Variants in IL4R observed in about 807,000 individuals in gnomAD.
The protein encoded by IL4R is interleukin 4 receptor.
A neutral mutation model predicts 41.5 loss-of-function variants in IL4R; 17 were observed. That is an observed-to-expected ratio of 0.41 (90% CI 0.28 to 0.61). The LOEUF is 0.61. Ranked by LOEUF, IL4R falls within the 20% of genes least tolerant of loss-of-function variation. The pLI is 0.31. For synonymous variants in IL4R, 402 were observed against 422.9 expected (o/e 0.95, Z 0.61); for missense variants, 974 against 1,043.1 (o/e 0.93, Z 0.91).
intron 6 of IL4R, among the ~76,000 whole-genome samples, chr16:27,351,852 CAT>C (rs2085891240): frequency 6.6e-6 from 1 of 152,134 alleles, no homozygotes; most frequent in Non-Finnish European, 1.5e-5. Flanking sequence ...AAACAAAAAA[CAT>C]AAAAAGAAGC....
chr16:27,363,608 C>T lies in IL4R; in HGVS notation c.2256C>T (p.Ser752=). The change falls in exon 11 of 11, where the codon TCC becomes TCT. Residue 752 remains serine (S), a synonymous_variant. Transcript: ENST00000395762. ...GTGGCTGCTGCTGTGGAGACAGGTC[C>T]TCGCCCCCTACAACCCCCCTGAGGG... The part of the protein sequence containing the change: ...PCCGCCCGDR[S]SPPTTPLRAP... The T allele has an allele frequency of 6.2e-7, 1 of 1,613,990 alleles. No homozygotes were observed. Among genetic ancestry groups the T allele is most frequent in the Non-Finnish European group, 8.5e-7 (1 of 1,179,972 alleles).
chr16:27,355,422 A>G, intron 7 of IL4R: 7 of 291,680 alleles, frequency 2.4e-5, no homozygotes, highest in South Asian at 2.0e-4. Context: ...TGCACGATCA[A>G]TTCTGTCATT....
intron 6 of IL4R, among the ~76,000 whole-genome samples, chr16:27,347,695 G>A (rs1190372953): frequency 6.6e-6 from 1 of 152,152 alleles, no homozygotes; most frequent in Non-Finnish European, 1.5e-5. Flanking sequence ...CCCATTGGAG[G>A]GACAATCTCT....
At chr16:27,350,655 G>A (rs2085833075) in intron 6 of IL4R, among the ~76,000 whole-genome samples, 1 of 152,086 alleles carries the variant, frequency 6.6e-6, no homozygotes, top group Non-Finnish European at 1.5e-5. Flanking sequence ...TTGCCATCAG[G>A]GTCAGTCATG....
At chr16:27,361,204 T>C (rs2141217257) in intron 10 of IL4R, among the ~76,000 whole-genome samples, 1 of 152,190 alleles carries the variant, frequency 6.6e-6, no homozygotes, top group African/African-American at 2.4e-5. Context: ...AGTGGTGCGA[T>C]CATAGCTCAC....
At chr16:27,320,170 G>A (rs1335714244) in intron 1 of IL4R, among the ~76,000 whole-genome samples, 1 of 152,040 alleles carries the variant, frequency 6.6e-6, no homozygotes, top group Non-Finnish European at 1.5e-5. Context: ...CGCGGCCCTG[G>A]GTGCGTGCTT....
At position 27,345,041 on chromosome 16, in the gene IL4R, C is replaced by T; in HGVS notation, c.361+21C>T. The T allele has an allele frequency of 3.4e-6, 5 of 1,487,362 alleles. No individual in the cohort carries two copies. Among genetic ancestry groups the T allele is most frequent in the Non-Finnish European group, 4.5e-6 (5 of 1,106,188 alleles). 92.1% of individuals were successfully genotyped at this position (1,487,362 alleles called of 1,614,324 possible). ...GCATGGTGAGCAGGGCGGAGTGCGG[C>T]AGGGGTGGCTGGGTGTGTTCCCACA... is the stretch of plus-strand genomic sequence containing the variant. On this transcript the variant is annotated intron_variant, in intron 5 of 10. Coordinates refer to ENST00000395762, the MANE Select transcript of IL4R (RefSeq NM_000418.4). The surrounding 1 kb of genome is among the most constrained non-coding windows in gnomAD (Gnocchi z 4.5).
chr16:27,362,136 G>A lies in IL4R; in HGVS notation c.900-116G>A, dbSNP rs189907796. The A allele has an allele frequency of 1.4e-4, 130 of 926,458 alleles. No individual in the cohort carries two copies. The East Asian group carries it at 2.5e-3, about 18-fold the overall frequency. The allele number at this position is 926,458 out of a possible 1,614,324, so 57.4% of individuals were successfully genotyped here. Reference sequence around the variant, plus strand: ...TCAATTACTGATTATAACGTTAGAAGGCATGTCTGAAGTAGACAGCCATCA... The same window carrying A: ...TCAATTACTGATTATAACGTTAGAAAGCATGTCTGAAGTAGACAGCCATCA... On this transcript the variant is annotated intron_variant, in intron 10 of 10. Transcript: ENST00000395762.
intron 8 of IL4R, among the ~76,000 whole-genome samples, 165 bp downstream of exon 8, chr16:27,356,072 C>A (rs2086064235): frequency 6.8e-6 from 1 of 147,672 alleles, no homozygotes; most frequent in African/African-American, 2.5e-5. Flanking sequence ...TCGACAAGGA[C>A]CCCACTTTTT....
intron 4 of IL4R, among the ~76,000 whole-genome samples, chr16:27,343,172 C>T (rs1241070090): frequency 2.0e-5 from 3 of 152,168 alleles, no homozygotes; most frequent in South Asian, 2.1e-4. Flanking sequence ...CACACAGTTA[C>T]GGGGCAGACT....
chr16:27,328,205 C>CAAAAAAAAAAAAAAAAA (rs779355998), intron 1 of IL4R, among the ~76,000 whole-genome samples: 2 of 70,506 alleles, frequency 2.8e-5, no homozygotes, highest in Admixed American at 1.8e-4. Flanking sequence ...GGCTCCATCT[C>CAAAAAAAAAAAAAAAAA]AAAAAAAAAA....
At chr16:27,341,421 A>T in intron 3 of IL4R, 1 of 534,444 alleles carries the variant, frequency 1.9e-6, no homozygotes, top group South Asian at 2.8e-5. Flanking sequence ...GCCCTTATGC[A>T]AGTTGTTGTC....
At position 27,359,799 on chromosome 16, in the gene IL4R, G is replaced by A. The variant is rs1167577164; in HGVS notation, c.849+805G>A. Reference sequence around the variant, plus strand: ...TTCCAGCCTCTTGCAAATACCAAGTGCCATTTATGTATCAGTTAGTGTTTG... The same window carrying A: ...TTCCAGCCTCTTGCAAATACCAAGTACCATTTATGTATCAGTTAGTGTTTG... On this transcript the variant is annotated intron_variant, in intron 9 of 10. Coordinates refer to ENST00000395762, the MANE Select transcript of IL4R (RefSeq NM_000418.4). 6.6e-6 allele frequency: 3 copies of A among 456,810 alleles called. No individual in the cohort carries two copies. The East Asian group carries it at 2.1e-4, about 32-fold the overall frequency. 28.3% of individuals were successfully genotyped at this position (456,810 alleles called of 1,614,324 possible). A position where few individuals can be genotyped will look rare whatever the true frequency, so the allele number is the denominator to read the frequency against.
At chr16:27,351,845 C>A (rs2141177238) in intron 6 of IL4R, among the ~76,000 whole-genome samples, 1 of 152,224 alleles carries the variant, frequency 6.6e-6, no homozygotes, top group East Asian at 1.9e-4. Flanking sequence ...AACAAACAAA[C>A]AAAAAACATA....
chr16:27,341,158 C>A (rs776137353), intron 3 of IL4R: 2 of 693,042 alleles, frequency 2.9e-6, no homozygotes, highest in South Asian at 3.0e-5. Context: ...TGAGAGGCTC[C>A]GGATCCCTCT....
Position 27,355,912 on chromosome 16 carries a change from G to C in IL4R, c.770+5G>C. Reference sequence around the variant, plus strand: ...GTGCTATGTCAGCATCACCAAGTGAGTCCTGGGCCCAGTGCTGCCGAGCAG... The same window carrying C: ...GTGCTATGTCAGCATCACCAAGTGACTCCTGGGCCCAGTGCTGCCGAGCAG... On this transcript the variant is annotated splice_donor_5th_base_variant and intron_variant, in intron 8 of 10. Transcript: ENST00000395762. 1.9e-6 allele frequency: 3 copies of C among 1,606,440 alleles called. No homozygotes were observed. Among genetic ancestry groups the C allele is most frequent in the Non-Finnish European group, 2.6e-6 (3 of 1,174,100 alleles).
At chr16:27,337,021 G>C (rs1177901253) in intron 2 of IL4R, among the ~76,000 whole-genome samples, 1 of 152,150 alleles carries the variant, frequency 6.6e-6, no homozygotes, top group Non-Finnish European at 1.5e-5. Context: ...AGGTTGCAGT[G>C]AGCCGAGATC....
In IL4R at chr16:27,342,183, G is replaced by A. The variant is rs1051167644; in HGVS notation, c.133G>A (p.Glu45Lys). ...VSDYMSISTC[E>K]WKMNGPTNCS... Reference sequence around the variant, plus strand: ...CGACTACATGAGCATCTCTACTTGCGAGTGGAAGATGAATGGTCCCACCAA... The same window carrying A: ...CGACTACATGAGCATCTCTACTTGCAAGTGGAAGATGAATGGTCCCACCAA... Residue 45 changes from glutamate (E) to lysine (K), a missense_variant, in exon 4 of 11, where the codon GAG (glutamate) becomes AAG (lysine). Around this residue, in one of 3 missense-constraint regions of IL4R, gnomAD observed 284 missense variants for 313.4 expected, o/e 0.91. Transcript: ENST00000395762. The A allele has an allele frequency of 1.6e-5, 26 of 1,614,102 alleles. 1 individual carries two copies. Among genetic ancestry groups the A allele is most frequent in the Middle Eastern group, 1.6e-4 (1 of 6,084 alleles).
intron 1 of IL4R, among the ~76,000 whole-genome samples, chr16:27,314,776 G>A (rs2084587873): frequency 6.6e-6 from 1 of 152,140 alleles, no homozygotes; most frequent in Admixed American, 6.5e-5. Context: ...CGGGAGATTT[G>A]CTTAAAATGC....
Sources: allele counts gnomAD v4.1 joint callset (sites outside exome capture counted in the v4.1 genomes callset), GRCh38; gene constraint gnomAD v4.1.1; regional missense constraint gnomAD v4.1.1; non-coding constraint Gnocchi (gnomAD v3.1); transcripts MANE v1.5; gene names NCBI Gene and HGNC (gene_info 2026-07-23, HGNC 2026-07-21).